Variants in CSMD3 observed in about 807,000 individuals in gnomAD.
The protein encoded by CSMD3 is CUB and sushi domain-containing protein 3.
In CSMD3, 177 loss-of-function variants were observed where a neutral mutation model predicts 435.2. The ratio of observed to expected loss-of-function variants is 0.41; its 90% CI spans 0.36 to 0.46. The LOEUF (loss-of-function observed/expected upper bound fraction) is 0.46, where lower values mean the gene tolerates loss of function less well. Among genes scored for constraint, CSMD3 ranks in the 20% least tolerant of loss-of-function variants. The pLI, the probability that CSMD3 is intolerant of heterozygous loss-of-function variation, is 0.34. For synonymous variants in CSMD3, 1,656 were observed against 1,520.5 expected, an observed-to-expected ratio of 1.09 and a Z score of -2.07; for missense variants, 4,265 against 4,504.6, an observed-to-expected ratio of 0.95 and a Z score of 1.52.
chr8:112,436,758 T>G (rs1036176353), intron 32 of CSMD3, among the ~76,000 whole-genome samples: 2 of 152,030 alleles, frequency 1.3e-5, no homozygotes, highest in African/African-American at 2.4e-5. Context: ...AATTGTTTAT[T>G]TCTAGGTTCT....
At chr8:112,819,146 T>A (rs2079459212) in intron 12 of CSMD3, among the ~76,000 whole-genome samples, 1 of 152,038 alleles carries the variant, frequency 6.6e-6, no homozygotes, top group Non-Finnish European at 1.5e-5. Flanking sequence ...CTAGGTGCAA[T>A]GAAAGGCTGT....
At chr8:112,462,129 T>G (rs1817509265) in intron 32 of CSMD3, among the ~76,000 whole-genome samples, 1 of 152,228 alleles carries the variant, frequency 6.6e-6, no homozygotes, top group Non-Finnish European at 1.5e-5. Flanking sequence ...TGTTTCCCAC[T>G]ATTTCGCAGT....
chr8:112,750,450 T>C (rs1047511431), intron 13 of CSMD3, among the ~76,000 whole-genome samples: 1 of 151,762 alleles, frequency 6.6e-6, no homozygotes, highest in Non-Finnish European at 1.5e-5. Context: ...TAGAAATAAA[T>C]AAGAAACATA....
In CSMD3 at chr8:112,567,703, C is replaced by T. The variant is rs139135276; in HGVS notation, c.4042+5798G>A. Reference sequence around the variant, plus strand: ...TGTTGAGAGGTTGAAGGGATCTGGGCAGAATAACCTACTGGGTTTTGCTGA... The same window carrying T: ...TGTTGAGAGGTTGAAGGGATCTGGGTAGAATAACCTACTGGGTTTTGCTGA... On this transcript the variant is annotated intron_variant, in intron 24 of 70. Transcript: ENST00000297405. Among the ~76,000 whole-genome samples the T allele has an allele frequency of 6.1e-3, 926 of 152,144 alleles. 9 individuals carry two copies. The highest frequency in any genetic ancestry group is 0.022 in the African/African-American group (894 of 41,504).
intron 13 of CSMD3, among the ~76,000 whole-genome samples, chr8:112,714,811 C>T (rs1311456474): frequency 2.0e-5 from 3 of 152,120 alleles, no homozygotes; most frequent in African/African-American, 7.2e-5. Context: ...ATAACCTGCT[C>T]CTGAAAGACT....
intron 59 of CSMD3, among the ~76,000 whole-genome samples, chr8:112,268,163 G>A (rs925584045): frequency 2.6e-5 from 4 of 152,084 alleles, no homozygotes; most frequent in Non-Finnish European, 4.4e-5. Flanking sequence ...TTTCTTAAGA[G>A]TCTCATCTAG....
intron 10 of CSMD3, among the ~76,000 whole-genome samples, chr8:112,893,880 C>A (rs62516553): frequency 0.043 from 6,584 of 151,358 alleles, 206 homozygotes; most frequent in Non-Finnish European, 0.062. Flanking sequence ...TATACTCTTC[C>A]AATGGATATG....
chr8:113,057,903 G>C (rs938338039), intron 5 of CSMD3, among the ~76,000 whole-genome samples: 1 of 151,810 alleles, frequency 6.6e-6, no homozygotes, highest in African/African-American at 2.4e-5. Context: ...CTATGGTATT[G>C]AACTACATTG....
intron 59 of CSMD3, among the ~76,000 whole-genome samples, chr8:112,280,897 G>C (rs1308316761): frequency 6.6e-6 from 1 of 151,998 alleles, no homozygotes; most frequent in African/African-American, 2.4e-5. Flanking sequence ...AATCATCATT[G>C]TTCTTAAAAT....
chr8:113,300,875 A>G (rs2093760657), intron 2 of CSMD3, among the ~76,000 whole-genome samples: 3 of 152,134 alleles, frequency 2.0e-5, no homozygotes, highest in Admixed American at 1.3e-4. Context: ...TACAAGTGTG[A>G]CAAATGCATA....
At chr8:113,182,211 A>T (rs2092430936) in intron 3 of CSMD3, among the ~76,000 whole-genome samples, 1 of 152,074 alleles carries the variant, frequency 6.6e-6, no homozygotes, top group Non-Finnish European at 1.5e-5. Context: ...TTTAAAAAAC[A>T]ATTTTAACTA....
chr8:113,314,624 G>A lies in CSMD3; in HGVS notation c.348C>T (p.Tyr116=), dbSNP rs35125143. 1.2e-3 allele frequency: 2,008 copies of A among 1,609,844 alleles called. 23 individuals are homozygous for A. In the African/African-American group the frequency reaches 0.022, roughly 18 times the overall value. The part of the protein sequence containing the change: ...VFQSFALEEE[Y]DYLSLYDGHP... The stretch of plus-strand genomic sequence containing the variant: ...GTCCATCATATAATGATAAGTAGTC[G>A]TATTCTTCTTCTAGAGCAAATGACT... The change falls in exon 2 of 71, where the codon TAC becomes TAT. Residue 116 remains tyrosine (Y), a synonymous_variant. Coordinates refer to ENST00000297405, the MANE Select transcript of CSMD3 (RefSeq NM_198123.2).
intron 10 of CSMD3, among the ~76,000 whole-genome samples, chr8:112,859,707 C>A (rs1472558834): frequency 6.6e-6 from 1 of 151,676 alleles, no homozygotes; most frequent in Non-Finnish European, 1.5e-5. Flanking sequence ...AATAGAAAAA[C>A]TTCTCTTTCT....
In CSMD3 at chr8:112,234,437, T is replaced by A; in HGVS notation, c.10668A>T (p.Ile3556=). ...CATGAGCAGGTACTTTAATAAGATATATGCGTAACATTAGGCGAGCTTCCT... is the reference window on the plus strand; with the variant it reads ...CATGAGCAGGTACTTTAATAAGATAAATGCGTAACATTAGGCGAGCTTCCT... The part of the protein sequence containing the change: ...KSQEARLMLR[I]YLIKVPAHAS... The change falls in exon 68 of 71, where the codon ATA becomes ATT. Residue 3556 remains isoleucine (I), a synonymous_variant. Coordinates refer to ENST00000297405, the MANE Select transcript of CSMD3 (RefSeq NM_198123.2). 1.2e-6 allele frequency: 2 copies of A among 1,613,474 alleles called. No homozygotes were observed. The highest frequency in any genetic ancestry group is 1.7e-6 in the Non-Finnish European group (2 of 1,179,654).
chr8:112,474,352 G>T (rs1393385147), intron 31 of CSMD3, among the ~76,000 whole-genome samples: 2 of 152,096 alleles, frequency 1.3e-5, no homozygotes, highest in Admixed American at 1.3e-4. Flanking sequence ...AGAGTAAGTG[G>T]TATATAAACA....
chr8:112,524,846 T>C (rs1315472687), intron 27 of CSMD3, among the ~76,000 whole-genome samples: 1 of 152,032 alleles, frequency 6.6e-6, no homozygotes, highest in African/African-American at 2.4e-5. Context: ...ATCTGAATAT[T>C]AAAATAACGT....
intron 32 of CSMD3, among the ~76,000 whole-genome samples, chr8:112,431,648 G>A (rs1813722402): frequency 6.6e-6 from 1 of 152,084 alleles, no homozygotes; most frequent in African/African-American, 2.4e-5. Context: ...AGGCCACCTT[G>A]AGCTGTGAAA....
intron 10 of CSMD3, among the ~76,000 whole-genome samples, chr8:112,895,375 T>G (rs987048742): frequency 4.0e-5 from 6 of 151,602 alleles, no homozygotes; most frequent in African/African-American, 1.4e-4. Context: ...GAACCTGATA[T>G]GTAAATATTT....
At chr8:113,274,314 T>C (rs1158982254) in intron 3 of CSMD3, among the ~76,000 whole-genome samples, 2 of 152,098 alleles carry the variant, frequency 1.3e-5, no homozygotes, top group Non-Finnish European at 2.9e-5. Context: ...ATATTTTAAA[T>C]TGATCTGCAC....
Sources: gnomAD v4.1 joint callset for allele counts (sites outside exome capture counted in the v4.1 genomes callset) on GRCh38, gnomAD v4.1.1 for gene constraint, MANE v1.5 for transcripts, NCBI Gene and HGNC (gene_info 2026-07-23, HGNC 2026-07-21) for gene names.